Variants in USP32 observed in about 807,000 individuals in gnomAD.
The protein encoded by USP32 is ubiquitin specific peptidase 32.
USP32 carries 59 observed loss-of-function variants against 204.8 expected under a neutral mutation model. The observed-to-expected ratio is 0.29, with a 90% CI of 0.23 to 0.36. The LOEUF is 0.36. Ranked by LOEUF, USP32 falls within the 10% of genes least tolerant of loss-of-function variation. USP32 has a pLI of 1.00. For missense variants in USP32, 1,160 were observed against 1,946.4 expected, an observed-to-expected ratio of 0.60 and a Z score of 7.60; for synonymous variants, 517 against 678.4, an observed-to-expected ratio of 0.76 and a Z score of 3.70.
At chr17:60,326,136 A>G (rs1410843966) in intron 2 of USP32, among the ~76,000 whole-genome samples, 3 of 151,772 alleles carry the variant, frequency 2.0e-5, no homozygotes, top group African/African-American at 7.3e-5. Flanking sequence ...TATTTTAACT[A>G]TGTGCATATG....
chr17:60,328,223 A>T (rs2088292965), intron 2 of USP32, among the ~76,000 whole-genome samples: 1 of 152,178 alleles, frequency 6.6e-6, no homozygotes, highest in Admixed American at 6.5e-5. Flanking sequence ...GGCCCATAAA[A>T]GCCCCAGGAT....
chr17:60,225,675 C>T (rs1262495378), intron 13 of USP32, among the ~76,000 whole-genome samples: 3 of 151,548 alleles, frequency 2.0e-5, no homozygotes, highest in African/African-American at 7.3e-5. Context: ...ATGGGGAGGC[C>T]AGGCATGGTG....
intron 11 of USP32, among the ~76,000 whole-genome samples, chr17:60,242,177 G>C (rs149764035): frequency 1.6e-4 from 25 of 152,196 alleles, no homozygotes; most frequent in Admixed American, 1.0e-3. Flanking sequence ...GCTATTCACA[G>C]GTGTGATCAC....
intron 2 of USP32, among the ~76,000 whole-genome samples, chr17:60,329,216 G>A (rs1395294919): frequency 6.6e-6 from 1 of 151,576 alleles, no homozygotes; most frequent in Non-Finnish European, 1.5e-5. Flanking sequence ...AAAACAAAAA[G>A]ATGTTAGTTG....
At chr17:60,294,902 C>G in intron 3 of USP32, 101 bp from the exon 4 acceptor site, 2 of 686,266 alleles carry the variant, frequency 2.9e-6, no homozygotes, top group Non-Finnish European at 5.0e-6. Flanking sequence ...TGAGTGATTA[C>G]TAGGGCCAAG....
intron 12 of USP32, among the ~76,000 whole-genome samples, chr17:60,233,402 G>T (rs2085627720): frequency 6.6e-6 from 1 of 152,144 alleles, no homozygotes; most frequent in Non-Finnish European, 1.5e-5. Context: ...TGAGGCTGTA[G>T]TGAGCTATGA....
chr17:60,371,307 G>A (rs959632392), intron 1 of USP32, among the ~76,000 whole-genome samples: 1 of 147,260 alleles, frequency 6.8e-6, no homozygotes, highest in African/African-American at 2.5e-5. Flanking sequence ...TGGCTCACAC[G>A]TATAATCCCA....
chr17:60,280,664 G>C (rs977823222), intron 5 of USP32, among the ~76,000 whole-genome samples: 4 of 152,190 alleles, frequency 2.6e-5, no homozygotes, highest in Admixed American at 2.0e-4. Context: ...TGGAGTCACT[G>C]ATGCTTTAAA....
intron 11 of USP32, 127 bp from the exon 12 acceptor site, chr17:60,236,367 C>T: frequency 1.6e-6 from 1 of 633,414 alleles, no homozygotes; most frequent in Non-Finnish European, 2.7e-6. Flanking sequence ...GAGAGACTGC[C>T]AAAACCCAAT....
At chr17:60,300,000 C>T (rs1033104204) in intron 3 of USP32, among the ~76,000 whole-genome samples, 3 of 152,112 alleles carry the variant, frequency 2.0e-5, no homozygotes, top group East Asian at 3.9e-4. Context: ...AATCACCTCC[C>T]ACAGGCCCCA....
intron 2 of USP32, among the ~76,000 whole-genome samples, chr17:60,328,655 T>C (rs1347162003): frequency 6.6e-6 from 1 of 152,204 alleles, no homozygotes; most frequent in Non-Finnish European, 1.5e-5. Context: ...AGAGAAGAGC[T>C]GCAGCCCTTC....
chr17:60,197,808 G>C (rs1343228919), intron 27 of USP32, among the ~76,000 whole-genome samples: 1 of 152,098 alleles, frequency 6.6e-6, no homozygotes, highest in Non-Finnish European at 1.5e-5. Flanking sequence ...AAATGACATG[G>C]TAAGGGAAAA....
chr17:60,289,008 GT>G (rs1160937001), intron 4 of USP32, among the ~76,000 whole-genome samples: 3 of 152,018 alleles, frequency 2.0e-5, no homozygotes, highest in Admixed American at 6.6e-5. Flanking sequence ...TTTGTTTTTT[GT>G]TTTTGTTTGT....
chr17:60,356,884 G>C (rs2089091772), intron 1 of USP32, among the ~76,000 whole-genome samples: 1 of 151,836 alleles, frequency 6.6e-6, no homozygotes, highest in African/African-American at 2.4e-5. Context: ...TTATAAACAA[G>C]TTCAAAGAAG....
At chr17:60,192,977 G>C (rs200749752) in intron 27 of USP32, 47 bp from the exon 28 acceptor site, 22 of 1,593,888 alleles carry the variant, frequency 1.4e-5, no homozygotes, top group Non-Finnish European at 1.6e-5. Flanking sequence ...TTTCTGGTTC[G>C]AGGTCCAACT....
intron 10 of USP32, among the ~76,000 whole-genome samples, chr17:60,252,889 A>G (rs1038381803): frequency 1.3e-5 from 2 of 152,344 alleles, no homozygotes; most frequent in South Asian, 4.1e-4. Flanking sequence ...GATAGAAAAT[A>G]AAAACAATTT....
At chr17:60,360,996 G>T (rs543043841) in intron 1 of USP32, among the ~76,000 whole-genome samples, 35 of 152,178 alleles carry the variant, frequency 2.3e-4, no homozygotes, top group African/African-American at 8.4e-4. Context: ...AGGTGTGGTG[G>T]CACATGCCTG....
chr17:60,192,522 C>T (rs1159877915), intron 28 of USP32, among the ~76,000 whole-genome samples: 1 of 152,072 alleles, frequency 6.6e-6, no homozygotes, highest in Admixed American at 6.5e-5. Flanking sequence ...GGAACCGCTG[C>T]CTCCTGGGTT....
chr17:60,336,882 T>C (rs1374782017), intron 2 of USP32, among the ~76,000 whole-genome samples: 1 of 152,170 alleles, frequency 6.6e-6, no homozygotes, highest in East Asian at 1.9e-4. Flanking sequence ...ATCCTGCTGG[T>C]TGTTCTGTCA....
Sources: gnomAD v4.1 joint callset for allele counts (sites outside exome capture counted in the v4.1 genomes callset) on GRCh38, gnomAD v4.1.1 for gene constraint, MANE v1.5 for transcripts, NCBI Gene and HGNC (gene_info 2026-07-23, HGNC 2026-07-21) for gene names.